The following UBQLN1 variants were observed in gnomAD, a reference collection of about 807,000 sequenced individuals.
UBQLN1 encodes ubiquilin-1.
In UBQLN1, 13 loss-of-function variants were observed where a neutral mutation model predicts 65.4. That is an observed-to-expected ratio of 0.20 (90% CI 0.13 to 0.32). The LOEUF (loss-of-function observed/expected upper bound fraction) is 0.32. UBQLN1 is among the 10% of genes least tolerant of loss of function. The probability of loss-of-function intolerance (pLI) is 1.00; values close to 1 mark genes in which losing one functional copy is unlikely to be tolerated. For synonymous variants in UBQLN1, 267 were observed against 247.8 expected (o/e 1.08, Z -0.73); for missense variants, 561 against 724.0 (o/e 0.77, Z 2.58).
Position 83,700,530 on chromosome 9 carries a change from T to C in UBQLN1, c.180+6970A>G, listed in dbSNP as rs1832293315. Among the ~76,000 whole-genome samples the C allele has an allele frequency of 2.6e-5, 4 of 152,176 alleles. No homozygotes were observed. The South Asian group carries it at 6.2e-4, about 24-fold the overall frequency. ...ATCACATAAATATACAATTTTTAGTTGTGATGAATTCTTATCAAAAACAGG... is the reference window on the plus strand; with the variant it reads ...ATCACATAAATATACAATTTTTAGTCGTGATGAATTCTTATCAAAAACAGG... On this transcript the variant is annotated intron_variant, in intron 1 of 10. Transcript: ENST00000376395.
At chr9:83,701,667 A>G (rs570384182) in intron 1 of UBQLN1, among the ~76,000 whole-genome samples, 4 of 152,344 alleles carry the variant, frequency 2.6e-5, no homozygotes, top group East Asian at 3.8e-4. Context: ...AAAGACAGTA[A>G]TAAGTATTAC....
intron 1 of UBQLN1, among the ~76,000 whole-genome samples, chr9:83,694,536 C>T (rs147431416): frequency 4.6e-5 from 7 of 152,134 alleles, no homozygotes; most frequent in African/African-American, 9.7e-5. Flanking sequence ...ATATGTAACA[C>T]GTATGAGAAA....
chr9:83,678,411 T>G, intron 5 of UBQLN1, 30 bp downstream of exon 5: 1 of 1,590,452 alleles, frequency 6.3e-7, no homozygotes, highest in Non-Finnish European at 8.5e-7. Flanking sequence ...AAGCTACTCC[T>G]TGGCCTGAAC....
At chr9:83,681,549 T>C (rs1831940360) in intron 3 of UBQLN1, among the ~76,000 whole-genome samples, 1 of 152,194 alleles carries the variant, frequency 6.6e-6, no homozygotes, top group African/African-American at 2.4e-5. Context: ...GCATAAATAC[T>C]TTGGCAAGGA....
At chr9:83,681,683 A>G (rs1831942810) in intron 3 of UBQLN1, among the ~76,000 whole-genome samples, 1 of 152,260 alleles carries the variant, frequency 6.6e-6, no homozygotes, top group African/African-American at 2.4e-5. Flanking sequence ...GACTAACTAC[A>G]GTAGCAGATA....
At chr9:83,700,508 A>T (rs1217812732) in intron 1 of UBQLN1, among the ~76,000 whole-genome samples, 2 of 152,254 alleles carry the variant, frequency 1.3e-5, no homozygotes, top group Non-Finnish European at 2.9e-5. Context: ...AGAAGGAATC[A>T]CATAAATATA....
At chr9:83,668,977 T>A (rs1435656453) in intron 7 of UBQLN1, 1 of 515,436 alleles carries the variant, frequency 1.9e-6, no homozygotes, top group Admixed American at 4.2e-5. Context: ...AGTCAATGAA[T>A]GGCAGAGATA....
At chr9:83,705,246 C>CTTTTTTTTTTTTTTTTTTTT (rs57550660) in intron 1 of UBQLN1, among the ~76,000 whole-genome samples, 5 of 129,454 alleles carry the variant, frequency 3.9e-5, no homozygotes, top group Non-Finnish European at 6.4e-5. Context: ...GCCAGCACTC[C>CTTTTTTTTTTTTTTTTTTTT]TTTTTTTTTT....
At chr9:83,704,953 T>C (rs2131193268) in intron 1 of UBQLN1, among the ~76,000 whole-genome samples, 1 of 152,192 alleles carries the variant, frequency 6.6e-6, no homozygotes, top group African/African-American at 2.4e-5. Flanking sequence ...ATATATTGAC[T>C]GAAAGGAATT....
At chr9:83,687,381 T>C (rs889319537) in intron 1 of UBQLN1, among the ~76,000 whole-genome samples, 2 of 152,146 alleles carry the variant, frequency 1.3e-5, no homozygotes, top group African/African-American at 4.8e-5. Flanking sequence ...ACTGTCCAAA[T>C]AGGAAAGCTT....
intron 1 of UBQLN1, among the ~76,000 whole-genome samples, chr9:83,702,421 A>C (rs538531221): frequency 6.6e-6 from 1 of 152,182 alleles, no homozygotes; most frequent in Non-Finnish European, 1.5e-5. Flanking sequence ...GATCTCACAG[A>C]CATTTTTTTT....
chr9:83,707,928 C>T lies in UBQLN1; in HGVS notation c.-249G>A. On this transcript the variant is annotated 5_prime_UTR_variant, in exon 1 of 11. An upstream start codon of the reference 5' UTR is lost. Transcript: ENST00000376395. ...TTCAGGCGCCGCTCGCTCACACCGACATCCGCAGCAGCCACCGCTTCCTCC... is the reference window on the plus strand; with the variant it reads ...TTCAGGCGCCGCTCGCTCACACCGATATCCGCAGCAGCCACCGCTTCCTCC... The T allele has an allele frequency of 1.9e-6, 1 of 516,206 alleles. No individual in the cohort carries two copies. Among genetic ancestry groups the T allele is most frequent in the South Asian group, 3.1e-5 (1 of 32,138 alleles). The allele number at this position is 516,206 out of a possible 1,614,324, so 32.0% of individuals were successfully genotyped here. A position where few individuals can be genotyped will look rare whatever the true frequency, so the allele number is the denominator to read the frequency against.
At chr9:83,688,895 T>A (rs946412022) in intron 1 of UBQLN1, among the ~76,000 whole-genome samples, 2 of 152,172 alleles carry the variant, frequency 1.3e-5, no homozygotes, top group South Asian at 2.1e-4. Flanking sequence ...TATTCTTACA[T>A]CCTTTCAAAT....
At chr9:83,669,743 T>C (rs974181468) in intron 6 of UBQLN1, among the ~76,000 whole-genome samples, 29 of 152,316 alleles carry the variant, frequency 1.9e-4, no homozygotes, top group Non-Finnish European at 4.0e-4. Flanking sequence ...ATGAAAGAAG[T>C]AAGCCTTCAT....
chr9:83,705,154 T>C (rs1385160729), intron 1 of UBQLN1, among the ~76,000 whole-genome samples: 4 of 151,952 alleles, frequency 2.6e-5, no homozygotes, highest in Non-Finnish European at 5.9e-5. Flanking sequence ...AGCAGGGATA[T>C]GGAGCAACAG....
At chr9:83,677,191 T>G (rs1363175499) in intron 6 of UBQLN1, among the ~76,000 whole-genome samples, 1 of 152,174 alleles carries the variant, frequency 6.6e-6, no homozygotes, top group Non-Finnish European at 1.5e-5. Context: ...ACATGTGCTC[T>G]AGTAACAACT....
chr9:83,698,669 T>C (rs7850944), intron 1 of UBQLN1, among the ~76,000 whole-genome samples: 107,012 of 152,084 alleles, frequency 0.7, 38,505 homozygotes, highest in East Asian at 0.88. Flanking sequence ...AATCCTAGCA[T>C]TTTGGGAGAC....
intron 4 of UBQLN1, among the ~76,000 whole-genome samples, chr9:83,678,982 A>T (rs1333981668): frequency 6.6e-6 from 1 of 152,018 alleles, no homozygotes; most frequent in East Asian, 1.9e-4. Context: ...CAGCTTCCCA[A>T]AGTGCTGGGA....
At chr9:83,703,148 G>A (rs939939528) in intron 1 of UBQLN1, among the ~76,000 whole-genome samples, 1 of 121,054 alleles carries the variant, frequency 8.3e-6, no homozygotes, top group Non-Finnish European at 1.7e-5. Flanking sequence ...AATAGCTGAT[G>A]ATGAACAATT....
Sources: allele counts gnomAD v4.1 joint callset (sites outside exome capture counted in the v4.1 genomes callset), GRCh38; gene constraint gnomAD v4.1.1; transcripts MANE v1.5; gene names NCBI Gene and HGNC (gene_info 2026-07-23, HGNC 2026-07-21).